Variants in AKAP4 observed in about 807,000 individuals in gnomAD.
AKAP4 encodes the protein A-kinase anchoring protein 4, also known as A-kinase anchor protein 4.
In AKAP4, 4 loss-of-function variants were observed where a neutral mutation model predicts 42.6. The ratio of observed to expected loss-of-function variants is 0.09; its 90% CI spans 0.05 to 0.22. The LOEUF (loss-of-function observed/expected upper bound fraction) is 0.22, where lower values mean the gene tolerates loss of function less well. AKAP4 is among the 10% of genes least tolerant of loss of function. AKAP4 has a pLI of 1.00. For synonymous variants in AKAP4, 223 were observed against 233.0 expected (o/e 0.96, Z 0.39); for missense variants, 551 against 630.7 (o/e 0.87, Z 1.35).
At chrX:50,194,516 A>T in intron 4 of AKAP4, 80 bp from the exon 5 acceptor site, 1 of 839,384 alleles carries the variant, frequency 1.2e-6, no homozygotes, top group South Asian at 2.6e-5. Flanking sequence ...GATGTATCAG[A>T]TTAGGGATTT....
At chrX:50,192,244 T>A in intron 5 of AKAP4, 60 bp downstream of exon 5, 1 of 992,198 alleles carries the variant, frequency 1.0e-6, no homozygotes, top group Non-Finnish European at 1.4e-6. Flanking sequence ...CTAAGTACAA[T>A]GCTGCCTCCC....
intron 3 of AKAP4, 66 bp downstream of exon 3, chrX:50,197,478 A>G (rs1296361815): frequency 1.8e-5 from 18 of 1,006,970 alleles, no homozygotes; most frequent in African/African-American, 3.9e-5. Context: ...TCCATTCTTC[A>G]TACTTCACTG....
At chrX:50,198,314 C>G (rs1398793468) in intron 2 of AKAP4, among the ~76,000 whole-genome samples, 1 of 110,893 alleles carries the variant, frequency 9.0e-6, no homozygotes, top group Non-Finnish European at 1.9e-5. Context: ...GCATTTTGCC[C>G]TCCTGAGGGG....
chrX:50,191,670 A>AAGAGAGGG (rs1935114164), intron 5 of AKAP4, among the ~76,000 whole-genome samples: 1 of 90,020 alleles, frequency 1.1e-5, no homozygotes, highest in Non-Finnish European at 2.2e-5. Context: ...GAGAGAGAGA[A>AAGAGAGGG]AGAGAGAGAG....
At chrX:50,197,435 C>G (rs1423713579) in intron 3 of AKAP4, 109 bp downstream of exon 3, 1 of 683,076 alleles carries the variant, frequency 1.5e-6, no homozygotes, top group East Asian at 3.6e-5. Flanking sequence ...CCCTGAGTCC[C>G]CTCCTCCTTT....
chrX:50,197,284 T>G (rs1935203306), intron 3 of AKAP4, among the ~76,000 whole-genome samples: 1 of 110,436 alleles, frequency 9.1e-6, no homozygotes, highest in Non-Finnish European at 1.9e-5. Flanking sequence ...AAAAAACAAC[T>G]TTTCTGACAT....
At position 50,194,214 on chromosome X, in the gene AKAP4, A is replaced by G; in HGVS notation, c.499T>C (p.Tyr167His). 2 of 1,210,916 alleles carry G rather than the reference A, an allele frequency of 1.7e-6. No homozygotes were observed. Among genetic ancestry groups the G allele is most frequent in the Non-Finnish European group, 2.2e-6 (2 of 895,023 alleles). The change falls in exon 5 of 6, where the codon TAT becomes CAT. Residue 167 changes from tyrosine to histidine, a missense_variant. Coordinates refer to ENST00000358526, the MANE Select transcript of AKAP4 (RefSeq NM_003886.3). ...AGGTTTTGAGGTCTGTTCATCAAAT[A>G]ATCTATGTTCACTTGATCGGCATAG... is the stretch of plus-strand genomic sequence containing the variant. ...SVYADQVNIDYLMNRPQNLRL... is the reference protein window; with the variant it reads ...SVYADQVNIDHLMNRPQNLRL...
In AKAP4 at chrX:50,200,997, C is replaced by A; in HGVS notation, c.-108G>T. Reference sequence around the variant, plus strand: ...TTCAACTCTCCATGCCCTCCTACAGCCTTGACTGCCAGCTGGTACCAGAGT... The same window carrying A: ...TTCAACTCTCCATGCCCTCCTACAGACTTGACTGCCAGCTGGTACCAGAGT... On this transcript the variant is annotated 5_prime_UTR_variant, in exon 1 of 6. Transcript: ENST00000358526. 1 of 755,180 alleles carries A rather than the reference C, an allele frequency of 1.3e-6. No individual in the cohort carries two copies. 62.2% of individuals were successfully genotyped at this position (755,180 alleles called of 1,213,427 possible).
chrX:50,195,667 A>T (rs1478753043), intron 4 of AKAP4, among the ~76,000 whole-genome samples: 3 of 111,670 alleles, frequency 2.7e-5, no homozygotes, highest in East Asian at 5.6e-4. Context: ...ATTGTTTATG[A>T]TCAGTTTAAG....
Position 50,190,882 on chromosome X carries a change from T to C in AKAP4, c.*78A>G. On this transcript the variant is annotated 3_prime_UTR_variant, in exon 6 of 6. Transcript: ENST00000358526. ...TACAGTTGTGTATTGTGCAGTTGAC[T>C]GGCCTGATGGTGGGGGTGCTCTGGC... 1 of 1,142,402 alleles carries C rather than the reference T, an allele frequency of 8.8e-7. No homozygotes were observed. 94.1% of individuals were successfully genotyped at this position (1,142,402 alleles called of 1,213,427 possible).
chrX:50,193,224 C>T lies in AKAP4; in HGVS notation c.1489G>A (p.Gly497Ser), dbSNP rs781999489. Residue 497 changes from glycine to serine, a missense_variant, in exon 5 of 6, where the codon GGT becomes AGT. Physicochemically the swap from Gly to Ser is moderately conservative, Grantham distance 56 (BLOSUM62 0). Coordinates refer to ENST00000358526, the MANE Select transcript of AKAP4 (RefSeq NM_003886.3). ...CKSLTSAEKVGEHILKEGLTI... is the reference protein window; with the variant it reads ...CKSLTSAEKVSEHILKEGLTI... ...AGGCCCTCTTTGAGAATGTGTTCAC[C>T]GACTTTCTCAGCACTAGTCAGTGAC... is the stretch of plus-strand genomic sequence containing the variant. 61 of 1,209,833 alleles carry T rather than the reference C, an allele frequency of 5.0e-5. No homozygotes were observed. The highest frequency in any genetic ancestry group is 6.6e-5 in the Non-Finnish European group (59 of 895,205).
chrX:50,193,875 C>G lies in AKAP4; in HGVS notation c.838G>C (p.Glu280Gln). The stretch of plus-strand genomic sequence containing the variant: ...CCACGCATTTCTGCAGCTGTCAGTT[C>G]CACAGCTTCATAGGCCATTTCAGAA... ...IASEMAYEAV[E>Q]LTAAEMRGTG... Residue 280 changes from glutamate to glutamine, a missense_variant, in exon 5 of 6, where the codon GAA becomes CAA. Glu to Gln is a conservative substitution (Grantham distance 29). Transcript: ENST00000358526. The G allele has an allele frequency of 8.3e-7, 1 of 1,211,755 alleles. No homozygotes were observed. The highest frequency in any genetic ancestry group is 1.8e-5 in the South Asian group (1 of 56,976).
In AKAP4 at chrX:50,190,931, G is replaced by A. The variant is rs782403578; in HGVS notation, c.*29C>T. On this transcript the variant is annotated 3_prime_UTR_variant, in exon 6 of 6. Transcript: ENST00000358526. Reference sequence around the variant, plus strand: ...GCTGGGATGGAATGCTGCTAGGGGGGCTAAGATGAAGAGGAGTCAAGGATC... The same window carrying A: ...GCTGGGATGGAATGCTGCTAGGGGGACTAAGATGAAGAGGAGTCAAGGATC... The A allele has an allele frequency of 2.5e-6, 3 of 1,207,890 alleles. No individual in the cohort carries two copies. The highest frequency in any genetic ancestry group is 3.6e-5 in the South Asian group (2 of 56,214).
chrX:50,191,886 G>A (rs978188860), intron 5 of AKAP4, among the ~76,000 whole-genome samples: 2 of 110,589 alleles, frequency 1.8e-5, no homozygotes, highest in South Asian at 3.9e-4. Flanking sequence ...GTTTCAAACT[G>A]TTTCTGGTAG....
At chrX:50,194,923 T>G (rs1935170647) in intron 4 of AKAP4, among the ~76,000 whole-genome samples, 1 of 111,818 alleles carries the variant, frequency 8.9e-6, no homozygotes, top group African/African-American at 3.2e-5. Flanking sequence ...GACATGTGCA[T>G]GTTAGTATGC....
intron 5 of AKAP4, 126 bp from the exon 6 acceptor site, chrX:50,191,241 C>T (rs1935105123): frequency 7.0e-6 from 5 of 716,886 alleles, no homozygotes; most frequent in Non-Finnish European, 6.1e-6. Context: ...CACCTTCCCG[C>T]CCATGATTCT....
At position 50,196,967 on chromosome X, in the gene AKAP4, C is replaced by T. The variant is rs782502960; in HGVS notation, c.200G>A (p.Gly67Asp). The T allele has an allele frequency of 5.8e-6, 7 of 1,205,198 alleles. No homozygotes were observed. Among genetic ancestry groups the T allele is most frequent in the Non-Finnish European group, 7.9e-6 (7 of 891,241 alleles). Residue 67 changes from glycine (G) to aspartate (D), a missense_variant, in exon 4 of 6, where the codon GGC becomes GAC. Physicochemically the swap from Gly to Asp is moderately conservative, Grantham distance 94. Transcript: ENST00000358526. Reference protein sequence around the residue: ...YKDAASSSSEGNLNLGSLEEK... With the variant: ...YKDAASSSSEDNLNLGSLEEK... ...TTCCAGACTTCCCAGGTTTAAGTTG[C>T]CTTCTGAGCTGGAACTAGCAGCATC...
At chrX:50,192,208 A>G in intron 5 of AKAP4, 96 bp downstream of exon 5, 3 of 785,447 alleles carry the variant, frequency 3.8e-6, no homozygotes, top group Non-Finnish European at 5.3e-6. Flanking sequence ...TAAAGAATAG[A>G]CTTGAAACTC....
rs1176812674 is a variant in AKAP4, at chrX:50,192,671, T to C, written c.2042A>G (p.Gln681Arg). 1.6e-5 allele frequency: 19 copies of C among 1,210,080 alleles called. No homozygotes were observed. Among genetic ancestry groups the C allele is most frequent in the Non-Finnish European group, 2.1e-5 (19 of 895,338 alleles). Residue 681 changes from glutamine to arginine, a missense_variant, in exon 5 of 6, where the codon CAA (glutamine) becomes CGA (arginine). By Grantham distance (43) the Gln-to-Arg change is conservative (BLOSUM62 1). Transcript: ENST00000358526. ...CATCCCACTGGTACAGTCAAGTTCT[T>C]GATGCTCCTGGCATTGTTCTTCCGC... ...DKAEEQCQEH[Q>R]ELDCTSGMKQ...
Sources: allele counts gnomAD v4.1 joint callset (sites outside exome capture counted in the v4.1 genomes callset), GRCh38; gene constraint gnomAD v4.1.1; transcripts MANE v1.5; gene names NCBI Gene and HGNC (gene_info 2026-07-23, HGNC 2026-07-21).